The following GRTP1 variants were observed in gnomAD, a reference collection of about 807,000 sequenced individuals.
The protein encoded by GRTP1 is growth hormone-regulated TBC protein 1.
GRTP1 carries 56 observed loss-of-function variants against 38.1 expected under a neutral mutation model. The observed-to-expected ratio is 1.47, with a 90% CI of 1.19 to 1.84. GRTP1 has a LOEUF of 1.84. Among genes scored for constraint, GRTP1 ranks in the 40% most tolerant of loss-of-function variants. GRTP1 has a pLI of 0.00. For missense variants in GRTP1, 506 were observed against 453.9 expected, an observed-to-expected ratio of 1.11 and a Z score of -1.04; for synonymous variants, 217 against 189.5, an observed-to-expected ratio of 1.14 and a Z score of -1.19.
intron 5 of GRTP1, among the ~76,000 whole-genome samples, chr13:113,337,516 C>A (rs1180617315): frequency 1.3e-5 from 2 of 152,178 alleles, no homozygotes; most frequent in African/African-American, 4.8e-5. Flanking sequence ...ATATAGAGTT[C>A]TTTTAAAAAA....
Position 113,342,289 on chromosome 13 carries a change from A to T in GRTP1, c.562+2574T>A, listed in dbSNP as rs979856378. On this transcript the variant is annotated intron_variant, in intron 5 of 7. Transcript: ENST00000375431. This position sits in a 1 kb window ranked among gnomAD's most constrained non-coding sequence, Gnocchi z 4.5. Reference sequence around the variant, plus strand: ...GGGAGGCCGAGGCAGGCGGATCACGAGGTCAGGAGATCGAGACCATCCTGG... The same window carrying T: ...GGGAGGCCGAGGCAGGCGGATCACGTGGTCAGGAGATCGAGACCATCCTGG... 1.3e-5 allele frequency among the ~76,000 whole-genome samples: 2 copies of T among 152,026 alleles called. No individual in the cohort carries two copies. The highest frequency in any genetic ancestry group is 6.6e-5 in the Admixed American group (1 of 15,250).
chr13:113,355,356 T>G lies in GRTP1; in HGVS notation c.307A>C (p.Arg103=), dbSNP rs1429627878. The change falls in exon 3 of 8, where the codon AGA becomes CGA. Residue 103 remains arginine, a synonymous_variant. Coordinates refer to ENST00000375431, the MANE Select transcript of GRTP1 (RefSeq NM_024719.4). ...ATGGCGTCCTCCAGCCTGGGGTTTC[T>G]CTCTCCCTGGAGAAGCTGGTGGTAG... ...GYYHQLLQGE[R]NPRLEDAIRT... 1 of 1,614,086 alleles carries G rather than the reference T, an allele frequency of 6.2e-7. No individual in the cohort carries two copies. The highest frequency in any genetic ancestry group is 8.5e-7 in the Non-Finnish European group (1 of 1,179,986).
At position 113,324,383 on chromosome 13, in the gene GRTP1, A is replaced by G. The variant is rs1013764889; in HGVS notation, c.*105T>C. On this transcript the variant is annotated 3_prime_UTR_variant, in exon 8 of 8. Transcript: ENST00000375431. Reference sequence around the variant, plus strand: ...TCACAACTAAAGTGTAGTGATGTCAAGTATTTACAACACTAAAAAGGAAAG... The same window carrying G: ...TCACAACTAAAGTGTAGTGATGTCAGGTATTTACAACACTAAAAAGGAAAG... 3.6e-6 allele frequency: 5 copies of G among 1,385,392 alleles called. No individual in the cohort carries two copies. The highest frequency in any genetic ancestry group is 2.8e-6 in the Non-Finnish European group (3 of 1,064,480). 85.8% of individuals were successfully genotyped at this position (1,385,392 alleles called of 1,614,324 possible).
At chr13:113,346,236 G>GGAGCACCTCTGTGGCTGAGCGGATCCA in intron 4 of GRTP1, among the ~76,000 whole-genome samples, 1 of 22,318 alleles carries the variant, frequency 4.5e-5, no homozygotes, top group Admixed American at 4.7e-4. Context: ...GAACAGACCC[G>GGAGCACCTCTGTGGCTGAGCGGATCCA]GGAGGACCTC....
chr13:113,349,587 C>T lies in GRTP1; in HGVS notation c.465+1262G>A, dbSNP rs2043224204. Reference sequence around the variant, plus strand: ...AAGGAGGGACTCTCCCAGCTTCACCCGACACGGCACTGCCAGCCAGCTACA... The same window carrying T: ...AAGGAGGGACTCTCCCAGCTTCACCTGACACGGCACTGCCAGCCAGCTACA... On this transcript the variant is annotated intron_variant, in intron 4 of 7. Transcript: ENST00000375431. This position sits in a 1 kb window ranked among gnomAD's most constrained non-coding sequence, Gnocchi z 5.0. Among the ~76,000 whole-genome samples, 1 of 152,240 alleles carries T rather than the reference C, an allele frequency of 6.6e-6. No homozygotes were observed. The highest frequency in any genetic ancestry group is 1.9e-4 in the East Asian group (1 of 5,198).
At chr13:113,354,983 C>T (rs751656464) in intron 3 of GRTP1, among the ~76,000 whole-genome samples, 4 of 152,232 alleles carry the variant, frequency 2.6e-5, no homozygotes, top group Non-Finnish European at 5.9e-5. Flanking sequence ...ATGAGCGCAG[C>T]TGCGTCCGAA....
rs2042758799 is a variant in GRTP1, at chr13:113,325,928, C to T, written c.726G>A (p.Leu242=). ...CGAGTGAGGCGCTCACCTCCACGGGCAAGATGTCCACAAACAGGCAGATGA... is the reference window on the plus strand; with the variant it reads ...CGAGTGAGGCGCTCACCTCCACGGGTAAGATGTCCACAAACAGGCAGATGA... The part of the protein sequence containing the change: ...RWFICLFVDI[L]PVETVLRIWD... Residue 242 remains leucine, a synonymous_variant, in exon 6 of 8, where the codon TTG becomes TTA. Coordinates refer to ENST00000375431, the MANE Select transcript of GRTP1 (RefSeq NM_024719.4). 1.2e-6 allele frequency: 2 copies of T among 1,613,844 alleles called. No homozygotes were observed. The highest frequency in any genetic ancestry group is 1.7e-5 in the Admixed American group (1 of 59,994).
At position 113,343,264 on chromosome 13, in the gene GRTP1, G is replaced by C. The variant is rs1444479869; in HGVS notation, c.562+1599C>G. On this transcript the variant is annotated intron_variant, in intron 5 of 7. Coordinates refer to ENST00000375431, the MANE Select transcript of GRTP1 (RefSeq NM_024719.4). The surrounding 1 kb of genome is among the most constrained non-coding windows in gnomAD (Gnocchi z 4.8). ...TAATTTCACCATTCCACCTGGTCCAGGTGTTCACCGAACTGAGCTGAGACA... is the reference window on the plus strand; with the variant it reads ...TAATTTCACCATTCCACCTGGTCCACGTGTTCACCGAACTGAGCTGAGACA... Among the ~76,000 whole-genome samples, 1 of 152,124 alleles carries C rather than the reference G, an allele frequency of 6.6e-6. No homozygotes were observed. The highest frequency in any genetic ancestry group is 2.4e-5 in the African/African-American group (1 of 41,414).
At chr13:113,326,175 A>G in intron 5 of GRTP1, 84 bp from the exon 6 acceptor site, 10 of 1,523,330 alleles carry the variant, frequency 6.6e-6, no homozygotes, top group South Asian at 1.2e-5. Flanking sequence ...GACAAAGACA[A>G]CAGGGCCACC....
rs5014271 is a variant in GRTP1 at position 113,352,360 on chromosome 13, T to A, written c.341-1387A>T. Among the ~76,000 whole-genome samples the A allele has an allele frequency of 4.1e-3, 207 of 50,632 alleles. 3 individuals are homozygous for A. In the East Asian group the frequency reaches 0.051, roughly 13 times the overall value. The allele number at this position is 50,632 out of a possible 152,430, so 33.2% of individuals were successfully genotyped here. A position where few individuals can be genotyped will look rare whatever the true frequency, so the allele number is the denominator to read the frequency against. The stretch of plus-strand genomic sequence containing the variant: ...TTTTATATATATATTTATATATATT[T>A]TATATATATATATATATTTATATAT... On this transcript the variant is annotated intron_variant, in intron 3 of 7. Coordinates refer to ENST00000375431, the MANE Select transcript of GRTP1 (RefSeq NM_024719.4).
chr13:113,361,067 G>A (rs1239163551), intron 2 of GRTP1, among the ~76,000 whole-genome samples: 5 of 144,076 alleles, frequency 3.5e-5, no homozygotes, highest in Admixed American at 2.1e-4. Flanking sequence ...CCGAGATTGC[G>A]CCACTACCCT....
At chr13:113,353,546 G>C (rs1305451146) in intron 3 of GRTP1, among the ~76,000 whole-genome samples, 2 of 150,828 alleles carry the variant, frequency 1.3e-5, no homozygotes, top group Non-Finnish European at 2.9e-5. Flanking sequence ...TGTGACCCTG[G>C]AGTTGCCAAA....
chr13:113,352,360 T>TTATATATATATATATTTATATATATTTTA (rs1566438062), intron 3 of GRTP1, among the ~76,000 whole-genome samples: 59 of 50,622 alleles, frequency 1.2e-3, no homozygotes, highest in African/African-American at 3.6e-3. Context: ...TATATATATT[T>TTATATATATATATATTTATATATATTTTA]TATATATATA....
intron 5 of GRTP1, 151 bp downstream of exon 5, chr13:113,344,712 C>CAAAAAAAAAAAAAAAAAAAAAAAAAAA (rs11444762): frequency 5.6e-6 from 1 of 177,776 alleles, no homozygotes; most frequent in Non-Finnish European, 9.1e-6. Flanking sequence ...GACTCCGTCT[C>CAAAAAAAAAAAAAAAAAAAAAAAAAAA]AAAAAAAAAA....
At chr13:113,327,522 A>C (rs1225257702) in intron 5 of GRTP1, among the ~76,000 whole-genome samples, 2 of 152,220 alleles carry the variant, frequency 1.3e-5, no homozygotes, top group African/African-American at 4.8e-5. Flanking sequence ...AACCATCACA[A>C]ACACTGACGC....
chr13:113,324,248 T>TATTA lies in GRTP1; in HGVS notation c.*236_*239dup. The TATTA allele has an allele frequency of 8.5e-6, 4 of 468,500 alleles. No homozygotes were observed. Among genetic ancestry groups the TATTA allele is most frequent in the South Asian group, 6.2e-5 (1 of 16,156 alleles). 29.0% of individuals were successfully genotyped at this position (468,500 alleles called of 1,614,324 possible). Reference sequence around the variant, plus strand: ...TACAAACCCACACTCACATTTTATATATTATTGATCTCTCAGGTAAAAATA... The same window carrying TATTA: ...TACAAACCCACACTCACATTTTATATATTAATTATTGATCTCTCAGGTAAAAATA... On this transcript the variant is annotated 3_prime_UTR_variant, in exon 8 of 8. Coordinates refer to ENST00000375431, the MANE Select transcript of GRTP1 (RefSeq NM_024719.4).
chr13:113,347,620 G>A (rs867193970), intron 4 of GRTP1, among the ~76,000 whole-genome samples: 8 of 46,976 alleles, frequency 1.7e-4, no homozygotes, highest in East Asian at 8.2e-4. Flanking sequence ...CTCTGTGGCT[G>A]AGAGCGGACC....
At chr13:113,330,330 A>G (rs9549381) in intron 5 of GRTP1, among the ~76,000 whole-genome samples, 1 of 117,706 alleles carries the variant, frequency 8.5e-6, no homozygotes, top group Non-Finnish European at 1.7e-5. Context: ...GTGGATGGAA[A>G]CCCAGGTGTG....
At chr13:113,329,928 C>T (rs575140998) in intron 5 of GRTP1, among the ~76,000 whole-genome samples, 15 of 152,370 alleles carry the variant, frequency 9.8e-5, no homozygotes, top group Middle Eastern at 3.4e-3. Flanking sequence ...GAGCTGGGCG[C>T]CCAGGTGGGC....
Sources: gnomAD v4.1 joint callset for allele counts (sites outside exome capture counted in the v4.1 genomes callset) on GRCh38, gnomAD v4.1.1 for gene constraint, Gnocchi (gnomAD v3.1) non-coding constraint, MANE v1.5 for transcripts, NCBI Gene and HGNC (gene_info 2026-07-23, HGNC 2026-07-21) for gene names.